The following VWC2L variants were observed in gnomAD, a reference collection of about 807,000 sequenced individuals.
VWC2L encodes the protein von Willebrand factor C domain containing 2 like.
A neutral mutation model predicts 21.6 loss-of-function variants in VWC2L; 10 were observed. The observed-to-expected ratio is 0.46, with a 90% CI of 0.29 to 0.78. VWC2L has a LOEUF of 0.78. Among genes scored for constraint, VWC2L ranks in the 30% least tolerant of loss-of-function variants. The pLI, the probability that VWC2L is intolerant of heterozygous loss-of-function variation, is 0.10. For synonymous variants in VWC2L, 96 were observed against 94.3 expected (o/e 1.02, Z -0.10); for missense variants, 209 against 277.1 (o/e 0.75, Z 1.74).
intron 3 of VWC2L, among the ~76,000 whole-genome samples, chr2:214,551,176 A>T (rs1487227645): frequency 6.6e-6 from 1 of 152,244 alleles, no homozygotes; most frequent in Non-Finnish European, 1.5e-5. Flanking sequence ...AAGGTCAGAG[A>T]AAGTATTTTT....
At chr2:214,449,997 C>A (rs1389715247) in intron 3 of VWC2L, among the ~76,000 whole-genome samples, 1 of 152,114 alleles carries the variant, frequency 6.6e-6, no homozygotes, top group Non-Finnish European at 1.5e-5. Flanking sequence ...GGCAGTGTTG[C>A]GTCCAAATTT....
At chr2:214,515,175 T>G (rs1172958727) in intron 3 of VWC2L, among the ~76,000 whole-genome samples, 1 of 152,196 alleles carries the variant, frequency 6.6e-6, no homozygotes, top group Non-Finnish European at 1.5e-5. Context: ...GAATATGGTA[T>G]GATTGCATAC....
chr2:214,445,939 G>A (rs1466656967), intron 3 of VWC2L, among the ~76,000 whole-genome samples: 2 of 152,086 alleles, frequency 1.3e-5, no homozygotes, highest in Non-Finnish European at 2.9e-5. Context: ...CTTTAACTAT[G>A]AGATTCTTTT....
chr2:214,554,971 A>T (rs1689852781), intron 3 of VWC2L, among the ~76,000 whole-genome samples: 1 of 152,142 alleles, frequency 6.6e-6, no homozygotes, highest in Admixed American at 6.5e-5. Context: ...GATCCAGGAA[A>T]GGTTTAACTA....
intron 3 of VWC2L, among the ~76,000 whole-genome samples, chr2:214,546,060 G>A (rs1023544960): frequency 4.6e-5 from 7 of 152,112 alleles, no homozygotes; most frequent in African/African-American, 1.7e-4. Flanking sequence ...TCACATGCCA[G>A]AACATGAATA....
intron 3 of VWC2L, among the ~76,000 whole-genome samples, chr2:214,535,871 T>C (rs1379063656): frequency 6.6e-6 from 1 of 151,926 alleles, no homozygotes; most frequent in Non-Finnish European, 1.5e-5. Flanking sequence ...ACTCTGACCT[T>C]ATAAGGCAGG....
At chr2:214,475,184 T>C (rs1380745338) in intron 3 of VWC2L, among the ~76,000 whole-genome samples, 1 of 152,158 alleles carries the variant, frequency 6.6e-6, no homozygotes, top group Non-Finnish European at 1.5e-5. Flanking sequence ...AAAGAAAATA[T>C]ATGTTGAGAA....
intron 3 of VWC2L, among the ~76,000 whole-genome samples, chr2:214,454,527 T>C (rs1703024499): frequency 6.6e-6 from 1 of 151,290 alleles, no homozygotes; most frequent in Non-Finnish European, 1.5e-5. Flanking sequence ...AGGATTTTTG[T>C]GTGTCTCTTG....
chr2:214,487,987 C>G (rs192760575), intron 3 of VWC2L, among the ~76,000 whole-genome samples: 242 of 152,268 alleles, frequency 1.6e-3, no homozygotes, highest in African/African-American at 5.7e-3. Flanking sequence ...GTTGCTATTA[C>G]AGCAAAACTT....
chr2:214,479,162 G>T (rs570509721), intron 3 of VWC2L, among the ~76,000 whole-genome samples: 1 of 152,234 alleles, frequency 6.6e-6, no homozygotes, highest in South Asian at 2.1e-4. Flanking sequence ...CTCCACATGG[G>T]TGAGATCATC....
At chr2:214,548,439 A>G (rs1353643134) in intron 3 of VWC2L, among the ~76,000 whole-genome samples, 1 of 152,228 alleles carries the variant, frequency 6.6e-6, no homozygotes, top group Non-Finnish European at 1.5e-5. Context: ...CAATTCATAA[A>G]TAAATGTCCA....
chr2:214,482,495 G>GTA (rs1323388702), intron 3 of VWC2L, among the ~76,000 whole-genome samples: 2 of 148,924 alleles, frequency 1.3e-5, no homozygotes, highest in Non-Finnish European at 3.0e-5. Flanking sequence ...ATGTATGTAT[G>GTA]TATATATATG....
chr2:214,428,814 CAAAAAAAAA>C (rs11431112), intron 2 of VWC2L, among the ~76,000 whole-genome samples: 1 of 98,340 alleles, frequency 1.0e-5, no homozygotes, highest in Non-Finnish European at 2.1e-5. Flanking sequence ...CAGACAGTGG[CAAAAAAAAA>C]AAAAAAAAAA....
chr2:214,419,136 C>T (rs1038475597), intron 2 of VWC2L, among the ~76,000 whole-genome samples: 6 of 152,110 alleles, frequency 3.9e-5, no homozygotes, highest in Non-Finnish European at 8.8e-5. Flanking sequence ...CTGATGCAAG[C>T]TTTGAAAATG....
intron 3 of VWC2L, among the ~76,000 whole-genome samples, chr2:214,453,682 C>A (rs571463338): frequency 6.6e-6 from 1 of 151,332 alleles, no homozygotes; most frequent in East Asian, 1.9e-4. Flanking sequence ...AATGTACAGG[C>A]TTTTCACATA....
chr2:214,556,669 T>A (rs916068899), intron 3 of VWC2L, among the ~76,000 whole-genome samples: 1 of 152,162 alleles, frequency 6.6e-6, no homozygotes, highest in African/African-American at 2.4e-5. Context: ...ACACGCTAAT[T>A]CTGTTAGCAA....
In VWC2L at chr2:214,501,942, C is replaced by T. The variant is rs1022640024; in HGVS notation, c.520+65184C>T. On this transcript the variant is annotated intron_variant, in intron 3 of 3. Coordinates refer to ENST00000312504, the MANE Select transcript of VWC2L (RefSeq NM_001080500.4). Reference sequence around the variant, plus strand: ...GTTGCAGCTAAGCCCACCTCCCCACCGACTCACCTGCTGACTGCAGCCACC... The same window carrying T: ...GTTGCAGCTAAGCCCACCTCCCCACTGACTCACCTGCTGACTGCAGCCACC... 8.5e-5 allele frequency among the ~76,000 whole-genome samples: 13 copies of T among 152,104 alleles called. 1 individual carries two copies. Among genetic ancestry groups the T allele is most frequent in the Admixed American group, 3.9e-4 (6 of 15,272 alleles).
intron 2 of VWC2L, among the ~76,000 whole-genome samples, chr2:214,424,257 G>A (rs1436927907): frequency 6.6e-6 from 1 of 152,100 alleles, no homozygotes; most frequent in African/African-American, 2.4e-5. Flanking sequence ...TTGTTCATAA[G>A]GGTTTCAGTT....
chr2:214,514,899 G>A (rs1367973579), intron 3 of VWC2L, among the ~76,000 whole-genome samples: 4 of 152,188 alleles, frequency 2.6e-5, no homozygotes, highest in Non-Finnish European at 5.9e-5. Context: ...TGGGCTTTGT[G>A]CAGACTTGAC....
Sources: gnomAD v4.1 joint callset for allele counts (sites outside exome capture counted in the v4.1 genomes callset) on GRCh38, gnomAD v4.1.1 for gene constraint, MANE v1.5 for transcripts, NCBI Gene and HGNC (gene_info 2026-07-23, HGNC 2026-07-21) for gene names.